DEPDC5: variants seen among roughly 807,000 people sequenced by gnomAD.
DEPDC5 encodes the protein DEP domain containing 5, GATOR1 subcomplex subunit.
In DEPDC5, 73 loss-of-function variants were observed where a neutral mutation model predicts 217.3. The ratio of observed to expected loss-of-function variants is 0.34; its 90% CI spans 0.28 to 0.41. The LOEUF (loss-of-function observed/expected upper bound fraction) is 0.41. Ranked by LOEUF, DEPDC5 falls within the 10% of genes least tolerant of loss-of-function variation. The probability of loss-of-function intolerance (pLI) is 1.00; values close to 1 mark genes in which losing one functional copy is unlikely to be tolerated. For missense variants in DEPDC5, 1,675 were observed against 2,070.1 expected (o/e 0.81, Z 3.70); for synonymous variants, 733 against 756.7 (o/e 0.97, Z 0.51).
chr22:31,889,700 C>G (rs2093398851), intron 38 of DEPDC5, among the ~76,000 whole-genome samples: 1 of 151,882 alleles, frequency 6.6e-6, no homozygotes, highest in Admixed American at 6.6e-5. Flanking sequence ...GCCACCATGC[C>G]CGGCTAATTT....
rs570367036 is a variant in DEPDC5 at position 31,760,525 on chromosome 22, A to G, written c.147-131A>G. On this transcript the variant is annotated intron_variant, in intron 3 of 42. Transcript: ENST00000651528. ...GGCCGAGTTTCTTTGTTTCTGAGGG[A>G]GCTTTCTCCCGTTGTTGTGCTGTAA... 8 of 735,198 alleles carry G rather than the reference A, an allele frequency of 1.1e-5. No individual in the cohort carries two copies. In the African/African-American group the frequency reaches 1.2e-4, roughly 11 times the overall value. The allele number at this position is 735,198 out of a possible 1,614,324, so 45.5% of individuals were successfully genotyped here. A position where few individuals can be genotyped will look rare whatever the true frequency, so the allele number is the denominator to read the frequency against.
chr22:31,844,126 T>G (rs2149012943), intron 29 of DEPDC5, among the ~76,000 whole-genome samples: 1 of 152,232 alleles, frequency 6.6e-6, no homozygotes, highest in Middle Eastern at 3.4e-3. Context: ...CTTGGGAGAC[T>G]GAGGCTGGAG....
intron 31 of DEPDC5, among the ~76,000 whole-genome samples, chr22:31,854,531 A>G (rs898506404): frequency 1.3e-5 from 2 of 152,234 alleles, no homozygotes; most frequent in African/African-American, 4.8e-5. Context: ...TTTTTAAAAT[A>G]TCCCAGCTAA....
chr22:31,897,412 C>T, intron 39 of DEPDC5, 70 bp from the exon 40 acceptor site: 1 of 1,534,968 alleles, frequency 6.5e-7, no homozygotes, highest in Admixed American at 2.0e-5. Flanking sequence ...GGGTTTTCTC[C>T]TTGGGAAGTA....
intron 27 of DEPDC5, 79 bp from the exon 28 acceptor site, chr22:31,843,016 A>C (rs2091490407): frequency 1.9e-6 from 2 of 1,033,858 alleles, no homozygotes; most frequent in Non-Finnish European, 2.9e-6. Context: ...TGTTTTCTGA[A>C]TCTATATGGA....
Position 31,797,146 on chromosome 22 carries a change from C to T in DEPDC5, c.768-454C>T, listed in dbSNP as rs557962608. The stretch of plus-strand genomic sequence containing the variant: ...CTCAGCTCACTGTACTCCAATTACA[C>T]TCTTTTTGAAACCTTGTAAAGAACC... On this transcript the variant is annotated intron_variant, in intron 12 of 42. Transcript: ENST00000651528. Among the ~76,000 whole-genome samples, 61 of 151,978 alleles carry T rather than the reference C, an allele frequency of 4.0e-4. No individual in the cohort carries two copies. In the South Asian group the frequency reaches 0.012, roughly 31 times the overall value.
At position 31,846,765 on chromosome 22, in the gene DEPDC5, C is replaced by G. The variant is rs145694451; in HGVS notation, c.3022-69C>G. 3.1e-4 allele frequency: 498 copies of G among 1,608,980 alleles called. 1 individual carries two copies. The African/African-American group carries it at 5.7e-3, about 18-fold the overall frequency. ...GGGCCTGGGAATGCTGCAGCATGCC[C>G]TGGGGCATGAGTGGCTTCCACTGAG... On this transcript the variant is annotated intron_variant, in intron 30 of 42. Transcript: ENST00000651528.
chr22:31,902,713 A>G (rs2093672857), intron 41 of DEPDC5, among the ~76,000 whole-genome samples: 2 of 152,002 alleles, frequency 1.3e-5, no homozygotes, highest in African/African-American at 2.4e-5. Flanking sequence ...CTCCACCAGC[A>G]TCTGGCTGAG....
intron 33 of DEPDC5, among the ~76,000 whole-genome samples, chr22:31,861,637 A>C (rs924211367): frequency 6.6e-6 from 1 of 152,252 alleles, no homozygotes; most frequent in Admixed American, 6.5e-5. Flanking sequence ...ATGTAGAAGA[A>C]CATATGATTG....
At chr22:31,771,536 A>G (rs917882499) in intron 7 of DEPDC5, among the ~76,000 whole-genome samples, 1 of 151,800 alleles carries the variant, frequency 6.6e-6, no homozygotes, top group Admixed American at 6.6e-5. Context: ...CCTGGGTAAC[A>G]TGGTGAAACC....
At chr22:31,760,535 CGTT>C (rs1341796268) in intron 3 of DEPDC5, 118 bp from the exon 4 acceptor site, 18 of 808,276 alleles carry the variant, frequency 2.2e-5, no homozygotes, top group South Asian at 3.5e-5. Flanking sequence ...AGCTTTCTCC[CGTT>C]GTTGTGCTGT....
chr22:31,848,798 G>A (rs752643566), intron 31 of DEPDC5, among the ~76,000 whole-genome samples: 7 of 152,106 alleles, frequency 4.6e-5, no homozygotes, highest in Admixed American at 6.6e-5. Flanking sequence ...ACATCATCAG[G>A]CTGCCAAGTT....
intron 24 of DEPDC5, among the ~76,000 whole-genome samples, chr22:31,832,406 T>G (rs1446712844): frequency 6.6e-6 from 1 of 152,240 alleles, no homozygotes; most frequent in Admixed American, 6.5e-5. Flanking sequence ...TCCATATCCT[T>G]GTCAACACTT....
chr22:31,761,183 G>A (rs1367281502), intron 4 of DEPDC5, among the ~76,000 whole-genome samples: 4 of 152,004 alleles, frequency 2.6e-5, no homozygotes, highest in African/African-American at 4.8e-5. Flanking sequence ...AGGTTTCACC[G>A]TGTTAGCCAG....
intron 7 of DEPDC5, among the ~76,000 whole-genome samples, chr22:31,775,966 G>A (rs2083800420): frequency 6.6e-6 from 1 of 150,418 alleles, no homozygotes; most frequent in African/African-American, 2.4e-5. Context: ...GCTTGAACCA[G>A]GGAGTCAGAG....
intron 7 of DEPDC5, among the ~76,000 whole-genome samples, chr22:31,774,019 C>T (rs1273691175): frequency 6.6e-6 from 1 of 151,758 alleles, no homozygotes; most frequent in African/African-American, 2.4e-5. Context: ...TGTGGTGAGC[C>T]GAGATCGTGC....
At chr22:31,858,055 A>G (rs1415981066) in intron 32 of DEPDC5, 1 of 152,278 alleles carries the variant, frequency 6.6e-6, no homozygotes, top group African/African-American at 2.4e-5. Context: ...ACCCTGCCTC[A>G]AAAAAATAAA....
chr22:31,864,545 CTGTG>C (rs1238762138), intron 33 of DEPDC5, among the ~76,000 whole-genome samples: 4 of 120,378 alleles, frequency 3.3e-5, no homozygotes, highest in Non-Finnish European at 5.4e-5. Flanking sequence ...TATTTATTTA[CTGTG>C]TGTATTTCTT....
chr22:31,810,844 C>T (rs1232853480), intron 20 of DEPDC5, among the ~76,000 whole-genome samples: 1 of 152,070 alleles, frequency 6.6e-6, no homozygotes, highest in Non-Finnish European at 1.5e-5. Context: ...GGTGTGATCT[C>T]GGCTCACTGC....
Sources: gnomAD v4.1 joint callset for allele counts (sites outside exome capture counted in the v4.1 genomes callset) on GRCh38, gnomAD v4.1.1 for gene constraint, MANE v1.5 for transcripts, NCBI Gene and HGNC (gene_info 2026-07-23, HGNC 2026-07-21) for gene names.